The following SYNE2 variants were observed in gnomAD, a reference collection of about 807,000 sequenced individuals.
The protein encoded by SYNE2 is nesprin-2.
In SYNE2, 431 loss-of-function variants were observed where a neutral mutation model predicts 856.3. The ratio of observed to expected loss-of-function variants is 0.50; its 90% confidence interval spans 0.47 to 0.55. The LOEUF (loss-of-function observed/expected upper bound fraction) is 0.55, where lower values mean the gene tolerates loss of function less well. Among genes scored for constraint, SYNE2 ranks in the 20% least tolerant of loss-of-function variants. SYNE2 has a pLI of 0.00. For synonymous variants in SYNE2, 2,923 were observed against 2,872.3 expected (o/e 1.02, Z -0.56); for missense variants, 8,129 against 8,023.2 (o/e 1.01, Z -0.50).
At chr14:63,982,416 C>T (rs1402234215) in intron 16 of SYNE2, among the ~76,000 whole-genome samples, 1 of 150,528 alleles carries the variant, frequency 6.6e-6, no homozygotes, top group African/African-American at 2.4e-5. Flanking sequence ...GAAAGTCAGT[C>T]TCTGCAAAGA....
chr14:63,985,329 CAAAAAAAAA>C (rs11399582), intron 18 of SYNE2, among the ~76,000 whole-genome samples: 2 of 82,430 alleles, frequency 2.4e-5, no homozygotes, highest in Non-Finnish European at 5.0e-5. Context: ...GGCTCCATCT[CAAAAAAAAA>C]AAAAAAAAAA....
At chr14:64,225,296 C>G in intron 115 of SYNE2, 23 bp from the exon 116 acceptor site, 1 of 1,614,080 alleles carries the variant, frequency 6.2e-7, no homozygotes, top group Non-Finnish European at 8.5e-7. Flanking sequence ...TCCCAATCAG[C>G]TCTCAACCTC....
chr14:64,076,156 A>G (rs2097457136), intron 54 of SYNE2, 56 bp downstream of exon 54: 1 of 1,570,738 alleles, frequency 6.4e-7, no homozygotes, highest in African/African-American at 1.4e-5. Flanking sequence ...GACTATCAGG[A>G]GGAAAATATC....
At chr14:63,942,499 T>A (rs1374361942) in intron 6 of SYNE2, among the ~76,000 whole-genome samples, 2 of 151,938 alleles carry the variant, frequency 1.3e-5, no homozygotes, top group African/African-American at 4.8e-5. Flanking sequence ...TCGTATTTTT[T>A]TTTTCTTTTT....
intron 64 of SYNE2, 53 bp from the exon 65 acceptor site, chr14:64,107,438 C>T (rs972646480): frequency 6.8e-7 from 1 of 1,469,418 alleles, no homozygotes; most frequent in Non-Finnish European, 9.5e-7. Flanking sequence ...AAGAAGAATT[C>T]ATGTGGCACC....
intron 45 of SYNE2, among the ~76,000 whole-genome samples, chr14:64,040,716 G>A (rs567642470): frequency 6.7e-6 from 1 of 148,872 alleles, no homozygotes; most frequent in East Asian, 2.0e-4. Flanking sequence ...AAAATAGGAG[G>A]GAGTTTTAAG....
At chr14:63,924,695 T>C (rs1227439734) in intron 2 of SYNE2, among the ~76,000 whole-genome samples, 1 of 152,180 alleles carries the variant, frequency 6.6e-6, no homozygotes, top group Non-Finnish European at 1.5e-5. Context: ...TTAATTTTTG[T>C]ATATTTAGCT....
intron 1 of SYNE2, among the ~76,000 whole-genome samples, chr14:63,799,621 G>A (rs1255016835): frequency 2.0e-5 from 3 of 152,040 alleles, no homozygotes; most frequent in South Asian, 2.1e-4. Context: ...GGAGAATGGC[G>A]TGAACCTGGG....
chr14:63,953,977 G>A (rs183278123), intron 7 of SYNE2, among the ~76,000 whole-genome samples: 1 of 152,122 alleles, frequency 6.6e-6, no homozygotes, highest in Admixed American at 6.5e-5. Context: ...GCAGTGGTGC[G>A]ATTGTAGCTC....
At chr14:64,111,116 A>C (rs1271133897) in intron 65 of SYNE2, among the ~76,000 whole-genome samples, 1 of 151,972 alleles carries the variant, frequency 6.6e-6, no homozygotes, top group Admixed American at 6.6e-5. Context: ...CTGTAATCCC[A>C]GCACTTTGAG....
Position 64,170,830 on chromosome 14 carries a change from G to A in SYNE2, c.17235+368G>A, listed in dbSNP as rs368322047. Among the ~76,000 whole-genome samples the A allele has an allele frequency of 2.5e-4, 38 of 152,242 alleles. No homozygotes were observed. The East Asian group carries it at 5.2e-3, about 21-fold the overall frequency. On this transcript the variant is annotated intron_variant, in intron 94 of 115. Coordinates refer to ENST00000555002, the MANE Select transcript of SYNE2 (RefSeq NM_182914.3). ...TGTAGTAATGTACAGTGATGGCATT[G>A]TTTACTCTTGAAGGGCAAATTCAAT...
intron 36 of SYNE2, 24 bp downstream of exon 36, chr14:64,021,539 T>C: frequency 6.2e-7 from 1 of 1,612,570 alleles, no homozygotes; most frequent in Non-Finnish European, 8.5e-7. Context: ...GCTTGTCTTC[T>C]GTGGTTCAGA....
chr14:63,957,342 C>T (rs969251698), intron 8 of SYNE2, among the ~76,000 whole-genome samples: 4 of 148,922 alleles, frequency 2.7e-5, no homozygotes, highest in Non-Finnish European at 4.4e-5. Flanking sequence ...GATCTTGGCT[C>T]ACCGCAGCTT....
intron 64 of SYNE2, among the ~76,000 whole-genome samples, chr14:64,107,073 T>G (rs972378841): frequency 3.3e-5 from 5 of 152,220 alleles, no homozygotes; most frequent in Admixed American, 6.5e-5. Flanking sequence ...CAGGCTGGTC[T>G]CAAACTCCTG....
intron 1 of SYNE2, among the ~76,000 whole-genome samples, chr14:63,812,631 A>T (rs1042418724): frequency 1.3e-5 from 2 of 152,220 alleles, no homozygotes. Context: ...TGCAGTAAAG[A>T]CAAGAGTAAG....
intron 1 of SYNE2, among the ~76,000 whole-genome samples, chr14:63,825,064 C>T (rs2139875315): frequency 6.6e-6 from 1 of 152,020 alleles, no homozygotes; most frequent in East Asian, 1.9e-4. Context: ...CATGCCACTG[C>T]ACTCCAGCCT....
At chr14:63,849,441 A>G (rs917435707), upstream of SYNE2, among the ~76,000 whole-genome samples, 1 of 152,170 alleles carries the variant, frequency 6.6e-6, no homozygotes, top group African/African-American at 2.4e-5. Context: ...ATTATCTCCT[A>G]TTACCACCAG....
At chr14:63,882,144 G>A (rs1483499116) in intron 1 of SYNE2, among the ~76,000 whole-genome samples, 2 of 152,226 alleles carry the variant, frequency 1.3e-5, no homozygotes, top group Middle Eastern at 3.4e-3. Context: ...CCGCCTGCTT[G>A]TGGTCATGGT....
chr14:64,189,159 C>T lies in SYNE2; in HGVS notation c.17871+451C>T, dbSNP rs1254110034. Reference sequence around the variant, plus strand: ...GACCAGCCTGGCTGACATGGTGAAACCTCGTCTCTACTAAAAATACAAAAA... The same window carrying T: ...GACCAGCCTGGCTGACATGGTGAAATCTCGTCTCTACTAAAAATACAAAAA... On this transcript the variant is annotated intron_variant, in intron 98 of 115. Transcript: ENST00000555002. The T allele has an allele frequency of 5.1e-6, 3 of 593,726 alleles. No individual in the cohort carries two copies. The East Asian group carries it at 8.4e-5, about 17-fold the overall frequency. The allele number at this position is 593,726 out of a possible 1,614,324, so 36.8% of individuals were successfully genotyped here.
Sources: allele counts gnomAD v4.1 joint callset (sites outside exome capture counted in the v4.1 genomes callset), GRCh38; gene constraint gnomAD v4.1.1; transcripts MANE v1.5; gene names NCBI Gene and HGNC (gene_info 2026-07-23, HGNC 2026-07-21).